The following UPF1 variants were observed in gnomAD, a reference collection of about 807,000 sequenced individuals.
The protein encoded by UPF1 is regulator of nonsense transcripts 1.
UPF1 carries 9 observed loss-of-function variants against 129.2 expected under a neutral mutation model. The observed-to-expected ratio is 0.07, with a 90% CI of 0.04 to 0.12. The LOEUF is 0.12. UPF1 is among the 10% of genes least tolerant of loss of function. UPF1 has a pLI of 1.00. For missense variants in UPF1, 788 were observed against 1,525.3 expected (o/e 0.52, Z 8.05); for synonymous variants, 649 against 644.9 (o/e 1.01, Z -0.10).
At chr19:18,843,521 T>TTG (rs1555698282) in intron 1 of UPF1, among the ~76,000 whole-genome samples, 3 of 147,162 alleles carry the variant, frequency 2.0e-5, no homozygotes, top group Admixed American at 6.7e-5. Flanking sequence ...TTTCTTTGTT[T>TTG]TTTTTTTTTT....
rs935079759 is a variant in UPF1 at position 18,853,832 on chromosome 19, G to A, written c.1156+482G>A. ...GATGCAGCCTGCCGGCCAGAGTGGG[G>A]CAGCTGTAAGGCACAGGTGCAGTCA... On this transcript the variant is annotated intron_variant, in intron 8 of 23. Coordinates refer to ENST00000262803, the MANE Select transcript of UPF1 (RefSeq NM_002911.4). The surrounding 1 kb of genome is among the most constrained non-coding windows in gnomAD (Gnocchi z 4.4). 3.3e-5 allele frequency among the ~76,000 whole-genome samples: 5 copies of A among 152,206 alleles called. No homozygotes were observed. Among genetic ancestry groups the A allele is most frequent in the East Asian group, 1.9e-4 (1 of 5,194 alleles).
intron 15 of UPF1, among the ~76,000 whole-genome samples, chr19:18,859,018 C>T (rs75834317): frequency 0.011 from 1,675 of 152,244 alleles, 37 homozygotes; most frequent in African/African-American, 0.039. Context: ...TCAGAGCCCA[C>T]CCCCCGGGTT....
chr19:18,832,091 C>G lies in UPF1; in HGVS notation c.-119C>G, dbSNP rs1305857688. 4 of 1,046,748 alleles carry G rather than the reference C, an allele frequency of 3.8e-6. No individual in the cohort carries two copies. In the South Asian group the frequency reaches 9.3e-5, roughly 24 times the overall value. 64.8% of individuals were successfully genotyped at this position (1,046,748 alleles called of 1,614,324 possible). ...TGGCGCCGGGGCGCGCGGTTTGGTC[C>G]TTTCCGGGCGCGCGGGGGCGACAGC... On this transcript the variant is annotated 5_prime_UTR_variant, in exon 1 of 24. Transcript: ENST00000262803. This position sits in a 1 kb window ranked among gnomAD's most constrained non-coding sequence, Gnocchi z 5.6.
In UPF1 at chr19:18,853,844, CA is replaced by C. The variant is rs2145955819; in HGVS notation, c.1156+495del. Among the ~76,000 whole-genome samples, 1 of 152,310 alleles carries C rather than the reference CA, an allele frequency of 6.6e-6. No individual in the cohort carries two copies. The highest frequency in any genetic ancestry group is 2.4e-5 in the African/African-American group (1 of 41,562). Reference sequence around the variant, plus strand: ...CGGCCAGAGTGGGGCAGCTGTAAGGCACAGGTGCAGTCAGAGGCTTGGGTGG... The same window carrying C: ...CGGCCAGAGTGGGGCAGCTGTAAGGCCAGGTGCAGTCAGAGGCTTGGGTGG... On this transcript the variant is annotated intron_variant, in intron 8 of 23. Coordinates refer to ENST00000262803, the MANE Select transcript of UPF1 (RefSeq NM_002911.4). This position sits in a 1 kb window ranked among gnomAD's most constrained non-coding sequence, Gnocchi z 4.4.
chr19:18,858,656 G>T (rs1225488690), intron 15 of UPF1, among the ~76,000 whole-genome samples: 2 of 152,040 alleles, frequency 1.3e-5, no homozygotes, highest in Non-Finnish European at 2.9e-5. Context: ...CTTCCCCACA[G>T]CGTCCCCAGA....
intron 1 of UPF1, among the ~76,000 whole-genome samples, chr19:18,838,941 G>A (rs956290157): frequency 4.6e-5 from 7 of 151,956 alleles, no homozygotes; most frequent in Non-Finnish European, 7.4e-5. Flanking sequence ...TCAGGATGAC[G>A]GGGTGGGGGA....
chr19:18,845,540 C>T (rs950707456), intron 1 of UPF1, among the ~76,000 whole-genome samples: 2 of 152,128 alleles, frequency 1.3e-5, no homozygotes, highest in African/African-American at 4.8e-5. Flanking sequence ...GTGGATGTGG[C>T]CAGTGACATT....
chr19:18,852,540 C>A (rs575978789), intron 6 of UPF1, among the ~76,000 whole-genome samples: 1 of 152,344 alleles, frequency 6.6e-6, no homozygotes, highest in East Asian at 1.9e-4. Flanking sequence ...CCAGTGGGGT[C>A]CACAGCTTTG....
At position 18,852,208 on chromosome 19, in the gene UPF1, G is replaced by A; in HGVS notation, c.884G>A (p.Arg295Gln). The stretch of plus-strand genomic sequence containing the variant: ...GAGGAGCCGCAGCATGTCCTCCTGC[G>A]GTACGAGGACGCCTACCAGTACCAG... ...VDEEPQHVLLRYEDAYQYQNI... is the reference protein window; with the variant it reads ...VDEEPQHVLLQYEDAYQYQNI... The change falls in exon 6 of 24, where the codon CGG (arginine) becomes CAG (glutamine). Residue 295 changes from arginine (R) to glutamine (Q), a missense_variant. This residue lies in a region of UPF1 where 227 missense variants were observed against 517.9 expected (regional missense o/e 0.44). Transcript: ENST00000262803. 1 of 1,613,676 alleles carries A rather than the reference G, an allele frequency of 6.2e-7. No homozygotes were observed. Among genetic ancestry groups the A allele is most frequent in the Non-Finnish European group, 8.5e-7 (1 of 1,179,754 alleles).
At chr19:18,836,532 AG>A (rs2055484715) in intron 1 of UPF1, among the ~76,000 whole-genome samples, 2 of 152,210 alleles carry the variant, frequency 1.3e-5, no homozygotes, top group Admixed American at 6.5e-5. Context: ...CTGGACAGAA[AG>A]GTGGGAAAGG....
At position 18,854,563 on chromosome 19, in the gene UPF1, G is replaced by A. The variant is rs769292843; in HGVS notation, c.1157-38G>A. On this transcript the variant is annotated intron_variant, in intron 8 of 23. Transcript: ENST00000262803. ...AAGGGTGGCCCAGAAAGGTCAGCCC[G>A]GCTTTTGACAAGGATGCAAACTTAA... 8.3e-6 allele frequency: 13 copies of A among 1,561,496 alleles called. No homozygotes were observed. In the East Asian group the frequency reaches 1.1e-4, roughly 14 times the overall value.
rs368636428 is a variant in UPF1, at chr19:18,860,786, C to T, written c.2301-40C>T. The T allele has an allele frequency of 5.0e-6, 8 of 1,608,130 alleles. No individual in the cohort carries two copies. In the African/African-American group the frequency reaches 8.0e-5, roughly 16 times the overall value. On this transcript the variant is annotated intron_variant, in intron 16 of 23. Coordinates refer to ENST00000262803, the MANE Select transcript of UPF1 (RefSeq NM_002911.4). The stretch of plus-strand genomic sequence containing the variant: ...GCCTCCAGCCTCAGGGCTCGGGATC[C>T]CACAGGTGGAGCCCAGCACTGACAG...
Position 18,850,293 on chromosome 19 carries a change from C to T in UPF1, c.629+51C>T, listed in dbSNP as rs1601109726. The T allele has an allele frequency of 6.6e-7, 1 of 1,526,062 alleles. No individual in the cohort carries two copies. The highest frequency in any genetic ancestry group is 8.8e-7 in the Non-Finnish European group (1 of 1,138,876). The allele number at this position is 1,526,062 out of a possible 1,614,324, so 94.5% of individuals were successfully genotyped here. On this transcript the variant is annotated intron_variant, in intron 4 of 23. Transcript: ENST00000262803. This position sits in a 1 kb window ranked among gnomAD's most constrained non-coding sequence, Gnocchi z 7.1. ...GGGGTGACCTTTAAGCTCCAGCCGT[C>T]TCCTCACAAGCCTTGGCCCAGCCCA... is the stretch of plus-strand genomic sequence containing the variant.
In UPF1 at chr19:18,850,240, C is replaced by T. The variant is rs2055643351; in HGVS notation, c.627C>T (p.Cys209=). 1 of 1,603,220 alleles carries T rather than the reference C, an allele frequency of 6.2e-7. No homozygotes were observed. Among genetic ancestry groups the T allele is most frequent in the Non-Finnish European group, 8.5e-7 (1 of 1,174,514 alleles). The part of the protein sequence containing the change: ...AKADSVVVLL[C]RQPCASQSSL... ...CTGACTCAGTGGTGGTGCTGCTGTG[C>T]AGGTGAGTGGTCCCCAGATGTCTCC... Residue 209 remains cysteine (C), a splice_region_variant and synonymous_variant, in exon 4 of 24, where the codon TGC becomes TGT. Transcript: ENST00000262803. This position sits in a 1 kb window ranked among gnomAD's most constrained non-coding sequence, Gnocchi z 7.1.
chr19:18,838,601 T>C (rs1160590711), intron 1 of UPF1, among the ~76,000 whole-genome samples: 2 of 152,076 alleles, frequency 1.3e-5, no homozygotes, highest in African/African-American at 4.8e-5. Flanking sequence ...TGAGCTGAGA[T>C]TGTGCCATTG....
intron 23 of UPF1, 149 bp downstream of exon 23, chr19:18,866,315 G>A (rs998500562): frequency 6.2e-6 from 8 of 1,286,482 alleles, no homozygotes; most frequent in South Asian, 3.3e-5. Context: ...GGCCAGCTTG[G>A]CCTGTGCCCT....
In UPF1 at chr19:18,842,183, G is replaced by A. The variant is rs1371598928; in HGVS notation, c.232-3797G>A. Among the ~76,000 whole-genome samples, 12 of 152,296 alleles carry A rather than the reference G, an allele frequency of 7.9e-5. No homozygotes were observed. The South Asian group carries it at 2.3e-3, about 29-fold the overall frequency. ...GATGGTCAACTCCTAGCAGTTTCAC[G>A]TGGTTCAAACTAATAGATTAAAGGT... On this transcript the variant is annotated intron_variant, in intron 1 of 23. Transcript: ENST00000262803.
chr19:18,847,943 T>A, intron 3 of UPF1, 110 bp downstream of exon 3: 2 of 1,239,614 alleles, frequency 1.6e-6, no homozygotes, highest in South Asian at 2.6e-5. Flanking sequence ...CTAACAAACC[T>A]GGGTTTTTTC....
At chr19:18,860,560 CCTGTTTAGA>C (rs1217304081) in intron 16 of UPF1, 122 bp downstream of exon 16, 10 of 1,020,534 alleles carry the variant, frequency 9.8e-6, no homozygotes, top group Middle Eastern at 3.0e-4. Context: ...TCCTGTTTAG[CCTGTTTAGA>C]CTCTAAACCG....
Sources: gnomAD v4.1 joint callset for allele counts (sites outside exome capture counted in the v4.1 genomes callset) on GRCh38, gnomAD v4.1.1 for gene constraint, gnomAD v4.1.1 regional missense constraint, Gnocchi (gnomAD v3.1) non-coding constraint, MANE v1.5 for transcripts, NCBI Gene and HGNC (gene_info 2026-07-23, HGNC 2026-07-21) for gene names.